The following VWF variants were observed in gnomAD, a reference collection of about 807,000 sequenced individuals.
VWF encodes Factor VIII related antigen.
Under a neutral mutation model 308.6 loss-of-function variants are expected in VWF, and 176 were observed. That is an observed-to-expected ratio of 0.57 (90% CI 0.50 to 0.65). The LOEUF (loss-of-function observed/expected upper bound fraction) is 0.65. Among genes scored for constraint, VWF ranks in the 30% least tolerant of loss-of-function variants. VWF has a pLI of 0.00. For missense variants in VWF, 3,146 were observed against 3,648.2 expected, an observed-to-expected ratio of 0.86 and a Z score of 3.55; for synonymous variants, 1,385 against 1,443.4, an observed-to-expected ratio of 0.96 and a Z score of 0.92.
chr12:6,120,042 G>A (rs1945413653), intron 3 of VWF, among the ~76,000 whole-genome samples: 1 of 152,136 alleles, frequency 6.6e-6, no homozygotes, highest in Non-Finnish European at 1.5e-5. Flanking sequence ...ATGGCCTCAG[G>A]GAGAAAGCAG....
chr12:5,949,510 T>C (rs1014696124), intron 51 of VWF, among the ~76,000 whole-genome samples: 3 of 152,222 alleles, frequency 2.0e-5, no homozygotes, highest in African/African-American at 7.2e-5. Flanking sequence ...TATGTTTGAC[T>C]GATCTTCAAG....
In VWF at chr12:6,075,611, C is replaced by T. The variant is rs1944834128; in HGVS notation, c.658-60G>A. On this transcript the variant is annotated intron_variant, in intron 6 of 51. Transcript: ENST00000261405. This position sits in a 1 kb window ranked among gnomAD's most constrained non-coding sequence, Gnocchi z 4.7. ...CGTTAGTGTCTCCCTGAGTGTGGCA[C>T]TGAGACTTAGCCCTGCTAGGGAAAC... The T allele has an allele frequency of 9.6e-6, 15 of 1,560,784 alleles. No individual in the cohort carries two copies. The highest frequency in any genetic ancestry group is 5.8e-5 in the South Asian group (5 of 85,978).
At chr12:6,045,769 G>A (rs1329081492) in intron 17 of VWF, among the ~76,000 whole-genome samples, 1 of 152,194 alleles carries the variant, frequency 6.6e-6, no homozygotes, top group African/African-American at 2.4e-5. Flanking sequence ...CAGTCAAGCT[G>A]GAGATTGAAG....
chr12:6,106,736 ATAG>A (rs1401233111), intron 5 of VWF, among the ~76,000 whole-genome samples: 7 of 151,990 alleles, frequency 4.6e-5, no homozygotes, highest in Admixed American at 1.3e-4. Context: ...TTAGCTGGAC[ATAG>A]TAGCGGACAC....
In VWF at chr12:6,013,609, T is replaced by C. The variant is rs186798928; in HGVS notation, c.5492A>G (p.Tyr1831Cys). 4 of 1,613,684 alleles carry C rather than the reference T, an allele frequency of 2.5e-6. No homozygotes were observed. Among genetic ancestry groups the C allele is most frequent in the South Asian group, 1.1e-5 (1 of 91,056 alleles). Residue 1831 changes from tyrosine to cysteine, a missense_variant, in exon 32 of 52, where the codon TAC (tyrosine) becomes TGC (cysteine). Coordinates refer to ENST00000261405, the MANE Select transcript of VWF (RefSeq NM_000552.5). ...TVFPIGIGDR[Y>C]DAAQLRILAG... The stretch of plus-strand genomic sequence containing the variant: ...CAAGATCCGTAGCTGGGCTGCATCG[T>C]AGCGATCTCCAATTCCAATAGGGAA...
At chr12:6,007,776 G>T (rs796550484) in intron 34 of VWF, among the ~76,000 whole-genome samples, 1 of 151,840 alleles carries the variant, frequency 6.6e-6, no homozygotes, top group African/African-American at 2.4e-5. Flanking sequence ...TTTTTTAAAG[G>T]TCAACAAAAT....
chr12:6,025,721 C>A (rs1234105431), intron 23 of VWF, 28 bp from the exon 24 acceptor site: 6 of 1,299,944 alleles, frequency 4.6e-6, no homozygotes, highest in Middle Eastern at 2.4e-4. Flanking sequence ...GATAGGCCAG[C>A]CGTCAGCTGG....
chr12:5,983,990 A>G (rs145242933), intron 40 of VWF, among the ~76,000 whole-genome samples: 2 of 109,998 alleles, frequency 1.8e-5, no homozygotes, highest in Non-Finnish European at 3.8e-5. Flanking sequence ...ATAGATAGAT[A>G]GATAGATAGA....
In VWF at chr12:6,052,520, C is replaced by T. The variant is rs1440118359; in HGVS notation, c.2186+23G>A. On this transcript the variant is annotated intron_variant, in intron 16 of 51. Transcript: ENST00000261405. ...CCCAGCTCTGCTGTTTTAGAGGTCC[C>T]TGACACTGCTGCCTGCACTTACCAC... 3.7e-6 allele frequency: 6 copies of T among 1,614,042 alleles called. No individual in the cohort carries two copies. In the African/African-American group the frequency reaches 4.0e-5, roughly 11 times the overall value.
rs1565806617 is a variant in VWF at position 5,951,863 on chromosome 12, T to C, written c.8136A>G (p.Pro2712=). 5 of 1,614,040 alleles carry C rather than the reference T, an allele frequency of 3.1e-6. No individual in the cohort carries two copies. Among genetic ancestry groups the C allele is most frequent in the Non-Finnish European group, 4.2e-6 (5 of 1,180,020 alleles). ...ACTCACATGTGTCACAGCAGGTGCC[T>C]GGAATTTTCATAATTTTACCCTAAG... The part of the protein sequence containing the change: ...LAEGGKIMKI[P]GTCCDTCEEP... The change falls in exon 50 of 52, where the codon CCA becomes CCG. Residue 2712 remains proline (P), a synonymous_variant. Coordinates refer to ENST00000261405, the MANE Select transcript of VWF (RefSeq NM_000552.5).
At chr12:6,099,804 G>C (rs1284286261) in intron 5 of VWF, among the ~76,000 whole-genome samples, 2 of 152,064 alleles carry the variant, frequency 1.3e-5, no homozygotes, top group African/African-American at 4.8e-5. Context: ...AGAAAACCTA[G>C]GCATTACCAT....
intron 5 of VWF, among the ~76,000 whole-genome samples, chr12:6,099,692 T>G (rs1220823165): frequency 6.6e-6 from 1 of 152,028 alleles, no homozygotes; most frequent in African/African-American, 2.4e-5. Context: ...TAGCCATATG[T>G]AGAAAGCTGA....
chr12:6,117,015 C>T (rs1945374444), intron 3 of VWF, among the ~76,000 whole-genome samples: 1 of 152,172 alleles, frequency 6.6e-6, no homozygotes, highest in African/African-American at 2.4e-5. Flanking sequence ...GCCCACCCCC[C>T]TCTAATTCTT....
intron 10 of VWF, among the ~76,000 whole-genome samples, chr12:6,070,647 C>T (rs1944769333): frequency 6.6e-6 from 1 of 152,200 alleles, no homozygotes; most frequent in Admixed American, 6.5e-5. Context: ...TGAGTGAGCA[C>T]AGAGGGCAAG....
In VWF at chr12:6,018,988, G is replaced by A; in HGVS notation, c.4430C>T (p.Thr1477Ile). The A allele has an allele frequency of 6.2e-7, 1 of 1,613,938 alleles. No homozygotes were observed. The highest frequency in any genetic ancestry group is 8.5e-7 in the Non-Finnish European group (1 of 1,179,854). The change falls in exon 28 of 52, where the codon ACT becomes ATT. Residue 1477 changes from threonine to isoleucine, a missense_variant. By Grantham distance (89) the Thr-to-Ile change is moderately conservative. Coordinates refer to ENST00000261405, the MANE Select transcript of VWF (RefSeq NM_000552.5). ...PTLPPDMAQV[T>I]VGPGLLGVST... ...AACCCCCAAGAGCCCCGGGCCCACA[G>A]TGACTTGTGCCATGTCGGGGGGCAG...
intron 34 of VWF, among the ~76,000 whole-genome samples, chr12:6,006,928 G>T (rs1412124318): frequency 6.6e-6 from 1 of 152,164 alleles, no homozygotes; most frequent in Non-Finnish European, 1.5e-5. Flanking sequence ...TTAACTAAAA[G>T]ACAGCACAGG....
intron 10 of VWF, among the ~76,000 whole-genome samples, chr12:6,070,375 C>T (rs569319858): frequency 2.0e-5 from 3 of 152,212 alleles, no homozygotes; most frequent in Non-Finnish European, 4.4e-5. Context: ...AATACAGTCC[C>T]AGGTATCCAA....
intron 17 of VWF, 40 bp from the exon 18 acceptor site, chr12:6,044,491 G>A (rs1439862484): frequency 3.7e-6 from 6 of 1,605,876 alleles, no homozygotes; most frequent in Non-Finnish European, 4.3e-6. Flanking sequence ...TAGTGAAGGA[G>A]AGAATGGACC....
intron 50 of VWF, 109 bp from the exon 51 acceptor site, chr12:5,949,992 C>A: frequency 2.1e-6 from 2 of 934,458 alleles, no homozygotes; most frequent in South Asian, 1.3e-5. Flanking sequence ...TCACAGTAAC[C>A]AAATAAAGCC....
Sources: gnomAD v4.1 joint callset for allele counts (sites outside exome capture counted in the v4.1 genomes callset) on GRCh38, gnomAD v4.1.1 for gene constraint, Gnocchi (gnomAD v3.1) non-coding constraint, MANE v1.5 for transcripts, NCBI Gene and HGNC (gene_info 2026-07-23, HGNC 2026-07-21) for gene names.